LINGO2: variants seen among roughly 807,000 people sequenced by gnomAD.
LINGO2 encodes the protein leucine-rich repeat and immunoglobulin-like domain-containing nogo receptor-interacting protein 2.
LINGO2 carries 14 observed loss-of-function variants against 30.6 expected under a neutral mutation model. That is an observed-to-expected ratio of 0.46 (90% CI 0.30 to 0.72). The LOEUF (loss-of-function observed/expected upper bound fraction) is 0.72, where lower values mean the gene tolerates loss of function less well. LINGO2 is among the 30% of genes least tolerant of loss of function. The probability of loss-of-function intolerance (pLI) is 0.07; values close to 1 mark genes in which losing one functional copy is unlikely to be tolerated. For synonymous variants in LINGO2, 317 were observed against 288.5 expected, an observed-to-expected ratio of 1.10 and a Z score of -1.00; for missense variants, 729 against 751.7, an observed-to-expected ratio of 0.97 and a Z score of 0.35.
At chr9:28,286,944 T>C (rs948319067) in intron 4 of LINGO2, among the ~76,000 whole-genome samples, 1 of 152,166 alleles carries the variant, frequency 6.6e-6, no homozygotes, top group Non-Finnish European at 1.5e-5. Flanking sequence ...CCTGCACTTG[T>C]ACCCCTGAAC....
intron 5 of LINGO2, among the ~76,000 whole-genome samples, chr9:28,003,384 TATAGAG>T (rs1231288945): frequency 1.1e-4 from 16 of 142,254 alleles, no homozygotes; most frequent in Middle Eastern, 7.2e-3. Context: ...GATAGATAGA[TATAGAG>T]AGAGAGAGAG....
the LINGO2 span, among the ~76,000 whole-genome samples, chr9:28,850,035 T>C: frequency 6.6e-6 from 1 of 152,010 alleles, no homozygotes; most frequent in African/African-American, 2.4e-5. Flanking sequence ...AATGAAGTGC[T>C]TATAATACCC....
chr9:28,401,314 G>A (rs1229598825), intron 2 of LINGO2, among the ~76,000 whole-genome samples: 2 of 151,950 alleles, frequency 1.3e-5, no homozygotes, highest in Non-Finnish European at 2.9e-5. Context: ...AGGCCCTGGT[G>A]TGTCTTGTTC....
chr9:28,226,680 A>G lies in LINGO2; in HGVS notation c.-87+68528T>C, dbSNP rs1325252617. 5.1e-5 allele frequency among the ~76,000 whole-genome samples: 5 copies of G among 97,194 alleles called. No individual in the cohort carries two copies. The East Asian group carries it at 1.3e-3, about 25-fold the overall frequency. 63.8% of individuals were successfully genotyped at this position (97,194 alleles called of 152,430 possible). ...GAAAGAAAGAAAGAAAGAAAGAAAGAAAGAAAGAAAGAAAGAAAGAAAGAG... is the reference window on the plus strand; with the variant it reads ...GAAAGAAAGAAAGAAAGAAAGAAAGGAAGAAAGAAAGAAAGAAAGAAAGAG... On this transcript the variant is annotated intron_variant, in intron 4 of 5. Transcript: ENST00000379992.
At chr9:28,230,654 T>C (rs1315851211) in intron 4 of LINGO2, among the ~76,000 whole-genome samples, 1 of 151,906 alleles carries the variant, frequency 6.6e-6, no homozygotes. Context: ...AAAACCACAA[T>C]AGTTATTGAG....
intron 2 of LINGO2, among the ~76,000 whole-genome samples, chr9:28,416,934 A>C (rs1451546250): frequency 6.6e-6 from 1 of 152,178 alleles, no homozygotes; most frequent in Non-Finnish European, 1.5e-5. Context: ...TACTAATAAA[A>C]GAAATACATG....
Position 28,188,196 on chromosome 9 carries a change from C to T in LINGO2, c.-87+107012G>A, listed in dbSNP as rs576497717. On this transcript the variant is annotated intron_variant, in intron 4 of 5. Transcript: ENST00000379992. Reference sequence around the variant, plus strand: ...TGACAGGCTTTTCAAATGAGTCTAACTCATAGCTAATTTCTACTTATTCAC... The same window carrying T: ...TGACAGGCTTTTCAAATGAGTCTAATTCATAGCTAATTTCTACTTATTCAC... 3.3e-5 allele frequency among the ~76,000 whole-genome samples: 5 copies of T among 152,296 alleles called. No homozygotes were observed. The South Asian group carries it at 6.2e-4, about 19-fold the overall frequency.
chr9:28,786,913 T>A, the LINGO2 span, among the ~76,000 whole-genome samples: 1 of 152,188 alleles, frequency 6.6e-6, no homozygotes, highest in East Asian at 1.9e-4. Context: ...GTTTAATTAC[T>A]CAGGGCATTT....
At chr9:28,563,000 C>A (rs555672928) in intron 1 of LINGO2, among the ~76,000 whole-genome samples, 1 of 152,170 alleles carries the variant, frequency 6.6e-6, no homozygotes, top group Admixed American at 6.5e-5. Context: ...GCGCATGCGA[C>A]CACGCCCTGC....
the LINGO2 span, among the ~76,000 whole-genome samples, chr9:28,817,561 G>A: frequency 6.6e-6 from 1 of 152,168 alleles, no homozygotes; most frequent in African/African-American, 2.4e-5. Flanking sequence ...ACTTTTCAAA[G>A]TTTCAATAGC....
chr9:28,117,233 G>T (rs1464181304), intron 4 of LINGO2, among the ~76,000 whole-genome samples: 2 of 151,968 alleles, frequency 1.3e-5, no homozygotes, highest in African/African-American at 4.8e-5. Flanking sequence ...GGGGTTCAGG[G>T]GTCAGGGACC....
At chr9:28,322,425 A>G (rs890917163) in intron 3 of LINGO2, among the ~76,000 whole-genome samples, 17 of 150,526 alleles carry the variant, frequency 1.1e-4, no homozygotes, top group African/African-American at 3.7e-4. Flanking sequence ...TCCTAGACAT[A>G]GTAGGCACTC....
intron 4 of LINGO2, among the ~76,000 whole-genome samples, chr9:28,280,850 T>C (rs922432450): frequency 2.0e-5 from 3 of 152,144 alleles, no homozygotes; most frequent in African/African-American, 7.2e-5. Context: ...AAGTTTTCTA[T>C]CAAACTGATG....
intron 4 of LINGO2, among the ~76,000 whole-genome samples, chr9:28,063,634 A>C (rs958269328): frequency 2.6e-5 from 4 of 152,096 alleles, no homozygotes; most frequent in Non-Finnish European, 4.4e-5. Flanking sequence ...GTAAGAATTA[A>C]ATTCAGATCT....
chr9:28,319,856 G>T (rs1824975337), intron 3 of LINGO2, among the ~76,000 whole-genome samples: 1 of 152,034 alleles, frequency 6.6e-6, no homozygotes, highest in Non-Finnish European at 1.5e-5. Flanking sequence ...ATTTTTATAT[G>T]TAAATTACAT....
At chr9:28,662,004 T>C (rs1345452944) in intron 1 of LINGO2, among the ~76,000 whole-genome samples, 1 of 152,188 alleles carries the variant, frequency 6.6e-6, no homozygotes, top group Admixed American at 6.5e-5. Flanking sequence ...CACAGCATAA[T>C]GGAAATGGCA....
chr9:28,561,251 G>A (rs774358912), intron 1 of LINGO2, among the ~76,000 whole-genome samples: 7 of 151,668 alleles, frequency 4.6e-5, no homozygotes, highest in Non-Finnish European at 8.8e-5. Context: ...AAATGAGTAC[G>A]AACTCTGAAG....
chr9:28,332,063 G>T (rs1825439574), intron 3 of LINGO2, among the ~76,000 whole-genome samples: 2 of 152,030 alleles, frequency 1.3e-5, no homozygotes, highest in African/African-American at 4.8e-5. Context: ...ACGTTAACCT[G>T]ATACCTAATT....
chr9:28,148,578 C>T lies in LINGO2; in HGVS notation c.-86-136173G>A. 6.6e-7 allele frequency: 1 copy of T among 1,507,904 alleles called. No individual in the cohort carries two copies. Among genetic ancestry groups the T allele is most frequent in the East Asian group, 2.5e-5 (1 of 40,778 alleles). The allele number at this position is 1,507,904 out of a possible 1,614,324, so 93.4% of individuals were successfully genotyped here. On this transcript the variant is annotated intron_variant, in intron 4 of 5. Coordinates refer to ENST00000379992, the Ensembl canonical transcript of LINGO2. This position sits in a 1 kb window ranked among gnomAD's most constrained non-coding sequence, Gnocchi z 5.1. ...CCCCTGGAGACTCAGGGAAACTTCA[C>T]TTCCTCCTGGTACAATCCCAGGCCC...
Sources: gnomAD v4.1 joint callset for allele counts (sites outside exome capture counted in the v4.1 genomes callset) on GRCh38, gnomAD v4.1.1 for gene constraint, Gnocchi (gnomAD v3.1) non-coding constraint, MANE v1.5 for transcripts, NCBI Gene and HGNC (gene_info 2026-07-23, HGNC 2026-07-21) for gene names.